Variants in BFSP2 observed in about 807,000 individuals in gnomAD.
The protein encoded by BFSP2 is beaded filament structural protein 2.
A neutral mutation model predicts 44.9 loss-of-function variants in BFSP2; 38 were observed. The observed-to-expected ratio is 0.85, with a 90% confidence interval of 0.65 to 1.11. The LOEUF is 1.11. BFSP2 is among the 50% of genes least tolerant of loss of function. BFSP2 has a pLI of 0.00. For synonymous variants in BFSP2, 197 were observed against 209.9 expected, an observed-to-expected ratio of 0.94 and a Z score of 0.53; for missense variants, 525 against 533.0, an observed-to-expected ratio of 0.99 and a Z score of 0.15.
chr3:133,452,194 G>A (rs935644714), intron 4 of BFSP2, among the ~76,000 whole-genome samples: 3 of 152,140 alleles, frequency 2.0e-5, no homozygotes, highest in African/African-American at 4.8e-5. Context: ...AAGAAAAATA[G>A]GAGAGGCTTT....
intron 1 of BFSP2, among the ~76,000 whole-genome samples, chr3:133,416,946 C>T (rs2073539924): frequency 5.3e-5 from 7 of 131,926 alleles, no homozygotes; most frequent in Admixed American, 1.5e-4. Flanking sequence ...CTACTCACCC[C>T]GTCCTCTCCC....
intron 4 of BFSP2, among the ~76,000 whole-genome samples, chr3:133,458,448 C>G (rs562116687): frequency 6.6e-6 from 1 of 152,254 alleles, no homozygotes; most frequent in Admixed American, 6.5e-5. Flanking sequence ...AATCCCAGCA[C>G]TTTGGGAAGC....
chr3:133,473,477 T>TA (rs1460881882), intron 6 of BFSP2, among the ~76,000 whole-genome samples: 1 of 151,486 alleles, frequency 6.6e-6, no homozygotes, highest in East Asian at 1.9e-4. Flanking sequence ...TCTTTTTTTT[T>TA]ATTGATCATT....
At chr3:133,442,122 T>G (rs1471313680) in intron 1 of BFSP2, among the ~76,000 whole-genome samples, 2 of 152,088 alleles carry the variant, frequency 1.3e-5, no homozygotes, top group African/African-American at 4.8e-5. Context: ...CTATAGAGTT[T>G]TGTTTTGTTT....
intron 1 of BFSP2, among the ~76,000 whole-genome samples, chr3:133,444,010 A>G (rs1389155133): frequency 6.6e-6 from 1 of 152,140 alleles, no homozygotes; most frequent in Non-Finnish European, 1.5e-5. Flanking sequence ...GAGTAGTATT[A>G]TAGAAAGAGA....
At chr3:133,471,910 A>T (rs2074165186) in intron 5 of BFSP2, among the ~76,000 whole-genome samples, 1 of 152,140 alleles carries the variant, frequency 6.6e-6, no homozygotes, top group Non-Finnish European at 1.5e-5. Flanking sequence ...TCAGCAGCAG[A>T]GGGAGAAGGG....
intron 1 of BFSP2, among the ~76,000 whole-genome samples, chr3:133,417,969 C>G (rs1240879812): frequency 1.3e-5 from 2 of 148,838 alleles, no homozygotes; most frequent in East Asian, 4.1e-4. Context: ...TCTGTCATCT[C>G]CCCTCTATTC....
chr3:133,417,432 T>C, intron 1 of BFSP2, among the ~76,000 whole-genome samples: 1 of 84,990 alleles, frequency 1.2e-5, no homozygotes, highest in South Asian at 5.5e-4. Context: ...CTCTCCCTTC[T>C]ACTCACCCTC....
chr3:133,436,361 T>C (rs1016294338), intron 1 of BFSP2, among the ~76,000 whole-genome samples: 2 of 152,006 alleles, frequency 1.3e-5, no homozygotes, highest in African/African-American at 4.8e-5. Context: ...TGTATTGTTT[T>C]TTCATAATAC....
chr3:133,450,377 GGAC>G lies in BFSP2; in HGVS notation c.808_810del (p.Asp270del), dbSNP rs1446755733. ...TGGATGCTCCCATTGGCACTGGTCT[GGAC>G]GACATCCTTGAGACGATCAGAATTC... On this transcript the variant is annotated inframe_deletion, in exon 4 of 7. Transcript: ENST00000302334. 1 of 1,614,080 alleles carries G rather than the reference GGAC, an allele frequency of 6.2e-7. No individual in the cohort carries two copies. The highest frequency in any genetic ancestry group is 1.3e-5 in the African/African-American group (1 of 74,930).
Position 133,454,396 on chromosome 3 carries a change from T to G in BFSP2, c.891+3932T>G, listed in dbSNP as rs114452620. ...ATGCTTCTGACACCAAATATGTAGG[T>G]TTGTTCCACACCAAGCAGATCTCCA... is the stretch of plus-strand genomic sequence containing the variant. On this transcript the variant is annotated intron_variant, in intron 4 of 6. Transcript: ENST00000302334. Among the ~76,000 whole-genome samples, 449 of 152,252 alleles carry G rather than the reference T, an allele frequency of 2.9e-3. 4 individuals are homozygous for G. Among genetic ancestry groups the G allele is most frequent in the African/African-American group, 0.01 (425 of 41,558 alleles).
intron 5 of BFSP2, among the ~76,000 whole-genome samples, chr3:133,472,086 T>G (rs2074167606): frequency 6.6e-6 from 1 of 151,752 alleles, no homozygotes; most frequent in Non-Finnish European, 1.5e-5. Flanking sequence ...CCTCTCTCCT[T>G]CTCTTTTTCG....
At chr3:133,415,549 CCTCTACTCACCCCTGCCCCCTCCG>C (rs571145122) in intron 1 of BFSP2, among the ~76,000 whole-genome samples, 1,473 of 105,798 alleles carry the variant, frequency 0.014, 72 homozygotes, top group Non-Finnish European at 0.021. Context: ...TGTTCTCTCC[CCTCTACTCACCCCTGCCCCCTCCG>C]CTCTACTCAC....
At chr3:133,433,269 A>G (rs998482684) in intron 1 of BFSP2, among the ~76,000 whole-genome samples, 1 of 152,062 alleles carries the variant, frequency 6.6e-6, no homozygotes, top group African/African-American at 2.4e-5. Context: ...TAGTTTTTTG[A>G]TGGCAGTTCC....
At chr3:133,420,107 C>T (rs1386969700) in intron 1 of BFSP2, among the ~76,000 whole-genome samples, 2 of 152,220 alleles carry the variant, frequency 1.3e-5, no homozygotes, top group South Asian at 2.1e-4. Context: ...AGCCAAAGAC[C>T]CCTGAGCACA....
At chr3:133,408,173 A>T (rs1315938234) in intron 1 of BFSP2, among the ~76,000 whole-genome samples, 4 of 152,164 alleles carry the variant, frequency 2.6e-5, no homozygotes, top group Non-Finnish European at 5.9e-5. Flanking sequence ...ATTTGAGGTT[A>T]AAAAAAGCCG....
Position 133,475,125 on chromosome 3 carries a change from T to C in BFSP2, c.*153T>C. On this transcript the variant is annotated 3_prime_UTR_variant, in exon 7 of 7. Transcript: ENST00000302334. Reference sequence around the variant, plus strand: ...AAAAGCTTCCTGGAAGTGGAGAGGATCCTTCTGCTTTAATCTGAGTAGTCT... The same window carrying C: ...AAAAGCTTCCTGGAAGTGGAGAGGACCCTTCTGCTTTAATCTGAGTAGTCT... 1 of 1,063,374 alleles carries C rather than the reference T, an allele frequency of 9.4e-7. No homozygotes were observed. The highest frequency in any genetic ancestry group is 1.4e-6 in the Non-Finnish European group (1 of 691,986). The allele number at this position is 1,063,374 out of a possible 1,614,324, so 65.9% of individuals were successfully genotyped here.
chr3:133,430,643 G>A lies in BFSP2; in HGVS notation c.490-16674G>A, dbSNP rs189413032. 2.3e-3 allele frequency among the ~76,000 whole-genome samples: 347 copies of A among 152,228 alleles called. 3 individuals are homozygous for A. Among genetic ancestry groups the A allele is most frequent in the African/African-American group, 8.0e-3 (333 of 41,522 alleles). ...GGGCAAATGGTCTGAGGTGCCTGAC[G>A]TCCAGGCATTCTTTTACGCATCGGT... On this transcript the variant is annotated intron_variant, in intron 1 of 6. Coordinates refer to ENST00000302334, the MANE Select transcript of BFSP2 (RefSeq NM_003571.4).
intron 1 of BFSP2, among the ~76,000 whole-genome samples, chr3:133,401,302 T>C (rs2073361035): frequency 6.6e-6 from 1 of 152,346 alleles, no homozygotes; most frequent in East Asian, 1.9e-4. Context: ...ATTAATATCT[T>C]ATATCTGCAC....
Sources: allele counts gnomAD v4.1 joint callset (sites outside exome capture counted in the v4.1 genomes callset), GRCh38; gene constraint gnomAD v4.1.1; transcripts MANE v1.5; gene names NCBI Gene and HGNC (gene_info 2026-07-23, HGNC 2026-07-21).